The following TBC1D1 variants were observed in gnomAD, a reference collection of about 807,000 sequenced individuals.
The protein encoded by TBC1D1 is TBC1 (tre-2/USP6, BUB2, cdc16) domain family, member 1.
In TBC1D1, 89 loss-of-function variants were observed where a neutral mutation model predicts 125.6. The ratio of observed to expected loss-of-function variants is 0.71; its 90% CI spans 0.60 to 0.85. TBC1D1 has a LOEUF of 0.85. TBC1D1 is among the 40% of genes least tolerant of loss of function. The pLI, the probability that TBC1D1 is intolerant of heterozygous loss-of-function variation, is 0.00. For synonymous variants in TBC1D1, 565 were observed against 564.1 expected (o/e 1.00, Z -0.02); for missense variants, 1,377 against 1,469.2 (o/e 0.94, Z 1.03).
chr4:38,016,572 TAAAC>T (rs1742770569), intron 3 of TBC1D1, among the ~76,000 whole-genome samples: 1 of 152,216 alleles, frequency 6.6e-6, no homozygotes, highest in African/African-American at 2.4e-5. Context: ...CAATTACAAA[TAAAC>T]AAGTAAAAGA....
At position 38,054,206 on chromosome 4, in the gene TBC1D1, G is replaced by A; in HGVS notation, c.1918G>A (p.Glu640Lys). The stretch of plus-strand genomic sequence containing the variant: ...ATCATCTTATAATTTTAGGGACTTT[G>A]AATCCAAAGCAAACCATCTTGGTGA... The change falls in exon 12 of 20, where the codon GAA becomes AAA. Residue 640 changes from glutamate to lysine, a missense_variant. Transcript: ENST00000261439. The A allele has an allele frequency of 6.2e-7, 1 of 1,614,086 alleles. No homozygotes were observed. Among genetic ancestry groups the A allele is most frequent in the Non-Finnish European group, 8.5e-7 (1 of 1,179,934 alleles).
At position 38,050,875 on chromosome 4, in the gene TBC1D1, A is replaced by C. The variant is rs376892246; in HGVS notation, c.1910+977A>C. On this transcript the variant is annotated intron_variant, in intron 11 of 19. Transcript: ENST00000261439. ...TTGTTTTCTGTCAGCCATTGGAAAG[A>C]GTTCTTGGTTCTTTGGAATTCAGCG... Among the ~76,000 whole-genome samples the C allele has an allele frequency of 7.2e-5, 11 of 152,330 alleles. 1 individual carries two copies. The highest frequency in any genetic ancestry group is 2.2e-4 in the African/African-American group (9 of 41,570).
rs560011151 is a variant in TBC1D1, at chr4:37,977,355, CCCG to C, written c.418-37132_418-37130del. On this transcript the variant is annotated intron_variant, in intron 2 of 19. Coordinates refer to ENST00000261439, the MANE Select transcript of TBC1D1 (RefSeq NM_015173.4). The surrounding 1 kb of genome is among the most constrained non-coding windows in gnomAD (Gnocchi z 4.3). ...CGGGGCAGTGACGAACTGGGTGGAG[CCCG>C]CCGCCGCCGCCGCCGCCGCCGGGGA... The C allele has an allele frequency of 0.015, 3,725 of 247,012 alleles. No individual in the cohort carries two copies. Among genetic ancestry groups the C allele is most frequent in the Non-Finnish European group, 0.021 (3,374 of 158,548 alleles). 15.3% of individuals were successfully genotyped at this position (247,012 alleles called of 1,614,324 possible). A position where few individuals can be genotyped will look rare whatever the true frequency, so the allele number is the denominator to read the frequency against.
intron 11 of TBC1D1, chr4:38,052,007 G>C (rs1750652079): frequency 6.4e-7 from 1 of 1,551,066 alleles, no homozygotes; most frequent in Non-Finnish European, 8.7e-7. Flanking sequence ...ACTTTTTTAA[G>C]TACCTAAAAC....
At chr4:38,117,698 AGTAT>A (rs1763199348) in intron 16 of TBC1D1, among the ~76,000 whole-genome samples, 1 of 152,198 alleles carries the variant, frequency 6.6e-6, no homozygotes, top group Non-Finnish European at 1.5e-5. Context: ...TTGTGCAAAG[AGTAT>A]GTATTTGTAA....
chr4:38,122,866 A>AT (rs1371553843), intron 17 of TBC1D1, among the ~76,000 whole-genome samples: 1 of 152,200 alleles, frequency 6.6e-6, no homozygotes, highest in Non-Finnish European at 1.5e-5. Flanking sequence ...CTATGTCTTA[A>AT]TTTTTTAACA....
At chr4:38,076,409 A>G (rs905434467) in intron 12 of TBC1D1, among the ~76,000 whole-genome samples, 1 of 152,138 alleles carries the variant, frequency 6.6e-6, no homozygotes, top group African/African-American at 2.4e-5. Context: ...AACCACATTA[A>G]ATCCCAAGTG....
intron 12 of TBC1D1, among the ~76,000 whole-genome samples, chr4:38,054,749 G>T (rs1157937148): frequency 6.6e-6 from 1 of 152,166 alleles, no homozygotes; most frequent in Non-Finnish European, 1.5e-5. Flanking sequence ...CTTTGAAGGT[G>T]GTTAGGCGGG....
chr4:37,962,605 A>G (rs1189408829), intron 2 of TBC1D1, among the ~76,000 whole-genome samples: 4 of 152,210 alleles, frequency 2.6e-5, no homozygotes, highest in Non-Finnish European at 5.9e-5. Flanking sequence ...AACTCAATAA[A>G]TATTTGTTAG....
rs116037048 is a variant in TBC1D1, at chr4:37,912,069, G to T, written c.417+9557G>T. 5.2e-4 allele frequency among the ~76,000 whole-genome samples: 79 copies of T among 152,180 alleles called. 1 individual carries two copies. Among genetic ancestry groups the T allele is most frequent in the Middle Eastern group, 6.8e-3 (2 of 294 alleles). On this transcript the variant is annotated intron_variant, in intron 2 of 19. Coordinates refer to ENST00000261439, the MANE Select transcript of TBC1D1 (RefSeq NM_015173.4). ...GGATGGATCTTGTCTCAGGACTTTC[G>T]CAAGTCATTCTCTATTTCCACACTT...
At chr4:37,941,717 T>A (rs964894237) in intron 2 of TBC1D1, among the ~76,000 whole-genome samples, 2 of 152,248 alleles carry the variant, frequency 1.3e-5, no homozygotes, top group Admixed American at 1.3e-4. Flanking sequence ...GATTCTGGTA[T>A]GTTGTGTCTT....
At position 38,102,625 on chromosome 4, in the gene TBC1D1, A is replaced by T. The variant is rs1328662550; in HGVS notation, c.2399-374A>T. ...CCAGGCATGATGGCTCATCCCTGTAATCCCAGGACTTTGGAGGCTGAGGCA... is the reference window on the plus strand; with the variant it reads ...CCAGGCATGATGGCTCATCCCTGTATTCCCAGGACTTTGGAGGCTGAGGCA... On this transcript the variant is annotated intron_variant, in intron 14 of 19. Transcript: ENST00000261439. Among the ~76,000 whole-genome samples the T allele has an allele frequency of 2.0e-5, 3 of 152,112 alleles. No homozygotes were observed. In the East Asian group the frequency reaches 5.8e-4, roughly 29 times the overall value.
chr4:38,102,034 A>G (rs529989198), intron 14 of TBC1D1, among the ~76,000 whole-genome samples: 3 of 141,474 alleles, frequency 2.1e-5, no homozygotes, highest in East Asian at 4.3e-4. Context: ...ATAGGTGGGA[A>G]TTGAACAATG....
intron 15 of TBC1D1, chr4:38,111,894 A>G: frequency 2.0e-6 from 2 of 984,346 alleles, no homozygotes; most frequent in Non-Finnish European, 2.4e-6. Flanking sequence ...GCTGAAGGCC[A>G]GAGACTCACA....
At chr4:37,921,089 G>T (rs1421387619) in intron 2 of TBC1D1, among the ~76,000 whole-genome samples, 1 of 121,058 alleles carries the variant, frequency 8.3e-6, no homozygotes, top group Non-Finnish European at 1.6e-5. Context: ...CAGCCAGGGC[G>T]ACAGAGCGAG....
At chr4:38,006,762 A>G (rs529714190) in intron 2 of TBC1D1, 1 of 454,572 alleles carries the variant, frequency 2.2e-6, no homozygotes, top group East Asian at 6.3e-5. Flanking sequence ...TACAGGCGTG[A>G]GCCACTGCGC....
chr4:37,919,169 A>G (rs1316478748), intron 2 of TBC1D1, among the ~76,000 whole-genome samples: 1 of 151,558 alleles, frequency 6.6e-6, no homozygotes, highest in Non-Finnish European at 1.5e-5. Context: ...TTAAAGTTAT[A>G]GATTTTATTT....
At chr4:37,896,634 C>A (rs931964128) in intron 1 of TBC1D1, among the ~76,000 whole-genome samples, 3 of 152,048 alleles carry the variant, frequency 2.0e-5, no homozygotes, top group Non-Finnish European at 4.4e-5. Flanking sequence ...GCTTTTTCAA[C>A]TTCACACTTG....
chr4:38,035,477 T>C (rs531641187), intron 7 of TBC1D1, 111 bp from the exon 8 acceptor site: 8 of 771,602 alleles, frequency 1.0e-5, no homozygotes, highest in African/African-American at 1.8e-5. Flanking sequence ...GGTGAGATGA[T>C]TGAGTAAAAG....
Sources: gnomAD v4.1 joint callset for allele counts (sites outside exome capture counted in the v4.1 genomes callset) on GRCh38, gnomAD v4.1.1 for gene constraint, Gnocchi (gnomAD v3.1) non-coding constraint, MANE v1.5 for transcripts, NCBI Gene and HGNC (gene_info 2026-07-23, HGNC 2026-07-21) for gene names.